The following MID2 variants were observed in gnomAD, a reference collection of about 807,000 sequenced individuals.
MID2 encodes the protein midline 2, also known as probable E3 ubiquitin-protein ligase MID2.
In MID2, 13 loss-of-function variants were observed where a neutral mutation model predicts 46.1. The observed-to-expected ratio is 0.28, with a 90% confidence interval of 0.18 to 0.45. MID2 has a LOEUF of 0.45. MID2 is among the 20% of genes least tolerant of loss of function. MID2 has a pLI of 1.00. For synonymous variants in MID2, 199 were observed against 212.3 expected, an observed-to-expected ratio of 0.94 and a Z score of 0.55; for missense variants, 431 against 575.4, an observed-to-expected ratio of 0.75 and a Z score of 2.57.
In MID2 at chrX:107,889,801, G is replaced by T. The variant is rs181478058; in HGVS notation, c.817-14157G>T. Among the ~76,000 whole-genome samples the T allele has an allele frequency of 1.2e-3, 137 of 111,722 alleles. 1 individual carries two copies. The highest frequency in any genetic ancestry group is 4.6e-3 in the Middle Eastern group (1 of 216). On this transcript the variant is annotated intron_variant, in intron 3 of 9. Coordinates refer to ENST00000262843, the MANE Select transcript of MID2 (RefSeq NM_012216.4). ...TTTTCACATAGTCTCATATTTTTTG[G>T]AGGCTTCGTTCATTTCTTTTTTTTC...
intron 3 of MID2, among the ~76,000 whole-genome samples, chrX:107,864,673 C>T (rs1931920203): frequency 8.9e-6 from 1 of 111,783 alleles, no homozygotes; most frequent in African/African-American, 3.3e-5. Flanking sequence ...TTAATGTTTG[C>T]ACATTTAAAA....
At position 107,896,548 on chromosome X, in the gene MID2, C is replaced by T. The variant is rs765022177; in HGVS notation, c.817-7410C>T. On this transcript the variant is annotated intron_variant, in intron 3 of 9. Transcript: ENST00000262843. The stretch of plus-strand genomic sequence containing the variant: ...ATGTATATGAAGCAGATTGTCCTCA[C>T]GCTCTGTCTCCATTATTTTTATTAG... Among the ~76,000 whole-genome samples the T allele has an allele frequency of 2.3e-4, 26 of 112,255 alleles. No individual in the cohort carries two copies. The South Asian group carries it at 5.1e-3, about 22-fold the overall frequency.
chrX:107,851,936 A>G (rs1172038163), intron 2 of MID2, among the ~76,000 whole-genome samples: 2 of 109,833 alleles, frequency 1.8e-5, no homozygotes, highest in Non-Finnish European at 1.9e-5. Flanking sequence ...CTTTTTGCCC[A>G]GGCTGGAGTG....
At chrX:107,915,963 C>T in intron 5 of MID2, 39 bp from the exon 6 acceptor site, 2 of 1,159,672 alleles carry the variant, frequency 1.7e-6, no homozygotes, top group Non-Finnish European at 2.3e-6. Context: ...AAGTTGCAAC[C>T]TATTTTGATG....
intron 3 of MID2, chrX:107,896,043 C>T (rs1932725624): frequency 8.9e-6 from 1 of 112,427 alleles, no homozygotes; most frequent in Non-Finnish European, 1.9e-5. Context: ...ATATCTCCCA[C>T]CTTTTTCTTC....
At chrX:107,828,860 T>A (rs780466672) in intron 1 of MID2, among the ~76,000 whole-genome samples, 157 of 112,070 alleles carry the variant, frequency 1.4e-3, no homozygotes, top group African/African-American at 5.0e-3. Context: ...GATGAAAGGG[T>A]TCTGTAAACC....
chrX:107,889,358 T>C (rs1297068933), intron 3 of MID2, among the ~76,000 whole-genome samples: 1 of 111,583 alleles, frequency 9.0e-6, no homozygotes, highest in East Asian at 2.8e-4. Flanking sequence ...TGTAAAGGCT[T>C]TTATTTCTCC....
chrX:107,902,398 A>G (rs1279027691), intron 3 of MID2, among the ~76,000 whole-genome samples: 1 of 111,594 alleles, frequency 9.0e-6, no homozygotes, highest in Non-Finnish European at 1.9e-5. Flanking sequence ...AAACTAAATG[A>G]ATCTCTTAGT....
In MID2 at chrX:107,826,206, C is replaced by T; in HGVS notation, c.-221C>T. 6.3e-6 allele frequency: 2 copies of T among 317,665 alleles called. No individual in the cohort carries two copies. The highest frequency in any genetic ancestry group is 2.7e-5 in the African/African-American group (1 of 37,173). The allele number at this position is 317,665 out of a possible 1,213,427, so 26.2% of individuals were successfully genotyped here. On this transcript the variant is annotated 5_prime_UTR_variant, in exon 1 of 10. Transcript: ENST00000262843. The stretch of plus-strand genomic sequence containing the variant: ...TAGCATCGCGGCCGCCGTGCTGTCC[C>T]CTGCGGGGCGCGCGGGCTGGCGGAT...
chrX:107,874,100 G>A (rs976799678), intron 3 of MID2, among the ~76,000 whole-genome samples: 8 of 112,163 alleles, frequency 7.1e-5, no homozygotes, highest in African/African-American at 2.6e-4. Context: ...ACTTCTGTCT[G>A]TAAAGAGAAT....
At position 107,929,575 on chromosome X, in the gene MID2, G is replaced by A. The variant is rs1211929153; in HGVS notation, c.*2502G>A. ...ATTTTTCTTAAATTAAAGGAATAGT[G>A]TGAAAATGCTGTAAGTACAGAAAAT... is the stretch of plus-strand genomic sequence containing the variant. On this transcript the variant is annotated 3_prime_UTR_variant, in exon 10 of 10. Coordinates refer to ENST00000262843, the MANE Select transcript of MID2 (RefSeq NM_012216.4). Among the ~76,000 whole-genome samples, 2 of 112,257 alleles carry A rather than the reference G, an allele frequency of 1.8e-5. No homozygotes were observed. The highest frequency in any genetic ancestry group is 6.5e-5 in the African/African-American group (2 of 30,929).
chrX:107,861,089 G>A (rs1201089811), intron 3 of MID2, among the ~76,000 whole-genome samples: 1 of 111,580 alleles, frequency 9.0e-6, no homozygotes, highest in East Asian at 2.8e-4. Flanking sequence ...GGATAGGGAT[G>A]TGAATTCTGA....
intron 3 of MID2, among the ~76,000 whole-genome samples, chrX:107,881,089 A>G (rs1437990950): frequency 1.8e-5 from 2 of 112,878 alleles, no homozygotes; most frequent in East Asian, 5.5e-4. Flanking sequence ...GGCAATTTAT[A>G]CTCCCACCAG....
chrX:107,889,341 G>C (rs1208880609), intron 3 of MID2, among the ~76,000 whole-genome samples: 1 of 111,560 alleles, frequency 9.0e-6, no homozygotes, highest in Non-Finnish European at 1.9e-5. Context: ...CTCAGCATTT[G>C]CTCATCTGTA....
chrX:107,921,605 C>T (rs1172148449), intron 7 of MID2, among the ~76,000 whole-genome samples: 2 of 111,390 alleles, frequency 1.8e-5, no homozygotes, highest in African/African-American at 3.3e-5. Context: ...GTATTCCCTC[C>T]CACATTTTCA....
intron 2 of MID2, among the ~76,000 whole-genome samples, chrX:107,842,960 T>C: frequency 8.9e-6 from 1 of 112,198 alleles, no homozygotes; most frequent in Non-Finnish European, 1.9e-5. Flanking sequence ...CTATCCTTTG[T>C]ACTGTAGCCG....
At position 107,929,273 on chromosome X, in the gene MID2, T is replaced by C. The variant is rs1394282040; in HGVS notation, c.*2200T>C. On this transcript the variant is annotated 3_prime_UTR_variant, in exon 10 of 10. Coordinates refer to ENST00000262843, the MANE Select transcript of MID2 (RefSeq NM_012216.4). ...TCACCTTTGTCTCTTCCCTAGGGCATATCCCCAAATTCTTAAACAAAAAAA... is the reference window on the plus strand; with the variant it reads ...TCACCTTTGTCTCTTCCCTAGGGCACATCCCCAAATTCTTAAACAAAAAAA... Among the ~76,000 whole-genome samples the C allele has an allele frequency of 1.8e-5, 2 of 111,073 alleles. No homozygotes were observed. The highest frequency in any genetic ancestry group is 3.8e-5 in the Non-Finnish European group (2 of 52,879).
At chrX:107,886,702 A>G (rs1468079745) in intron 3 of MID2, among the ~76,000 whole-genome samples, 1 of 111,687 alleles carries the variant, frequency 9.0e-6, no homozygotes, top group African/African-American at 3.3e-5. Context: ...GAATCTATAA[A>G]TTACCTTGGG....
intron 3 of MID2, chrX:107,894,809 T>C (rs1481703198): frequency 2.0e-5 from 2 of 101,592 alleles, no homozygotes; most frequent in African/African-American, 3.7e-5. Flanking sequence ...AAAAATAAAC[T>C]AGGTTACAGA....
Sources: allele counts gnomAD v4.1 joint callset (sites outside exome capture counted in the v4.1 genomes callset), GRCh38; gene constraint gnomAD v4.1.1; transcripts MANE v1.5; gene names NCBI Gene and HGNC (gene_info 2026-07-23, HGNC 2026-07-21).